Variants in CHRM3 observed in about 807,000 individuals in gnomAD.
CHRM3 encodes the protein cholinergic receptor muscarinic 3, also known as muscarinic acetylcholine receptor M3.
In CHRM3, 11 loss-of-function variants were observed where a neutral mutation model predicts 41.8. The observed-to-expected ratio is 0.26, with a 90% CI of 0.17 to 0.44. The LOEUF (loss-of-function observed/expected upper bound fraction) is 0.44. Among genes scored for constraint, CHRM3 ranks in the 20% least tolerant of loss-of-function variants. CHRM3 has a pLI of 1.00. For missense variants in CHRM3, 571 were observed against 745.4 expected, an observed-to-expected ratio of 0.77 and a Z score of 2.72; for synonymous variants, 297 against 301.4, an observed-to-expected ratio of 0.99 and a Z score of 0.15.
chr1:239,836,853 TA>T (rs2149131520), intron 6 of CHRM3, among the ~76,000 whole-genome samples: 1 of 152,078 alleles, frequency 6.6e-6, no homozygotes, highest in African/African-American at 2.4e-5. Context: ...CACATGCCTG[TA>T]ATCCCAGCTA....
intron 5 of CHRM3, among the ~76,000 whole-genome samples, chr1:239,729,346 A>G (rs1400578840): frequency 6.6e-6 from 1 of 151,950 alleles, no homozygotes; most frequent in Non-Finnish European, 1.5e-5. Context: ...GGGAAAAAAA[A>G]TCCCAGTGGC....
chr1:239,667,199 A>G (rs1673894945), intron 4 of CHRM3, among the ~76,000 whole-genome samples: 1 of 152,180 alleles, frequency 6.6e-6, no homozygotes, highest in African/African-American at 2.4e-5. Flanking sequence ...CAGCATCTCT[A>G]CAACACAGAT....
chr1:239,869,494 G>A (rs565877789), intron 6 of CHRM3, among the ~76,000 whole-genome samples: 95 of 152,202 alleles, frequency 6.2e-4, no homozygotes, highest in African/African-American at 2.2e-3. Context: ...CTTCCCTGGT[G>A]GAGGTAAGCC....
chr1:239,892,363 TGA>T (rs1180833803), intron 6 of CHRM3, among the ~76,000 whole-genome samples: 1 of 152,246 alleles, frequency 6.6e-6, no homozygotes, highest in Non-Finnish European at 1.5e-5. Flanking sequence ...GTACTTTCAT[TGA>T]AATAATCATC....
At chr1:239,648,481 G>T (rs907617004) in intron 4 of CHRM3, among the ~76,000 whole-genome samples, 2 of 152,204 alleles carry the variant, frequency 1.3e-5, no homozygotes, top group African/African-American at 4.8e-5. Flanking sequence ...CAACACAAGA[G>T]AATAAGCAGT....
At chr1:239,575,104 T>C (rs2148556523) in intron 3 of CHRM3, among the ~76,000 whole-genome samples, 1 of 152,326 alleles carries the variant, frequency 6.6e-6, no homozygotes, top group Non-Finnish European at 1.5e-5. Flanking sequence ...ATACATCCTA[T>C]GATAAGGATT....
rs141822991 is a variant in CHRM3 at position 239,470,015 on chromosome 1, G to A, written c.-520-22694G>A. On this transcript the variant is annotated intron_variant, in intron 1 of 6. Coordinates refer to ENST00000676153, the MANE Select transcript of CHRM3 (RefSeq NM_001375978.1). Reference sequence around the variant, plus strand: ...ACATCCTACCCACTGAGCCTTGTCTGTGCCATTCGCCCTGTAGTGAATGTG... The same window carrying A: ...ACATCCTACCCACTGAGCCTTGTCTATGCCATTCGCCCTGTAGTGAATGTG... 2.1e-3 allele frequency among the ~76,000 whole-genome samples: 320 copies of A among 152,268 alleles called. 4 individuals are homozygous for A. The highest frequency in any genetic ancestry group is 7.4e-3 in the African/African-American group (306 of 41,542).
intron 3 of CHRM3, among the ~76,000 whole-genome samples, chr1:239,574,972 A>T (rs1293421522): frequency 6.6e-6 from 1 of 152,188 alleles, no homozygotes; most frequent in Non-Finnish European, 1.5e-5. Flanking sequence ...TTTGGCTCTA[A>T]TGTTGCCAAC....
intron 5 of CHRM3, among the ~76,000 whole-genome samples, chr1:239,803,465 A>G (rs146966532): frequency 0.011 from 1,683 of 152,310 alleles, 106 homozygotes; most frequent in Admixed American, 0.095. Flanking sequence ...GGCTTACAAA[A>G]TTGTTTTTTA....
chr1:239,391,327 T>C (rs1659017776), intron 1 of CHRM3, among the ~76,000 whole-genome samples: 3 of 152,150 alleles, frequency 2.0e-5, no homozygotes, highest in Admixed American at 2.0e-4. Context: ...TGGATGTGCT[T>C]TTTGAACAAA....
At chr1:239,425,168 T>C (rs1195439259) in intron 1 of CHRM3, among the ~76,000 whole-genome samples, 1 of 152,216 alleles carries the variant, frequency 6.6e-6, no homozygotes, top group Non-Finnish European at 1.5e-5. Flanking sequence ...TAACATTGAA[T>C]AGGAAATATT....
In CHRM3 at chr1:239,912,358, T is replaced by A. The variant is rs1680412239; in HGVS notation, c.*3134T>A. 6.0e-6 allele frequency: 1 copy of A among 167,212 alleles called. No individual in the cohort carries two copies. Among genetic ancestry groups the A allele is most frequent in the Non-Finnish European group, 1.5e-5 (1 of 68,224 alleles). 10.4% of individuals were successfully genotyped at this position (167,212 alleles called of 1,614,324 possible). A position where few individuals can be genotyped will look rare whatever the true frequency, so the allele number is the denominator to read the frequency against. On this transcript the variant is annotated 3_prime_UTR_variant, in exon 7 of 7. Coordinates refer to ENST00000676153, the MANE Select transcript of CHRM3 (RefSeq NM_001375978.1). ...ATTCTCCTAGTCACCCTTTGCCTCT[T>A]AAGCCCAGCCTTGACTCTCTACATA...
At chr1:239,551,351 G>T (rs1013267615) in intron 3 of CHRM3, among the ~76,000 whole-genome samples, 3 of 151,060 alleles carry the variant, frequency 2.0e-5, no homozygotes, top group African/African-American at 4.9e-5. Flanking sequence ...TGGTAGAGAC[G>T]GGGTTTCTCC....
chr1:239,544,905 G>T (rs1049625490), intron 2 of CHRM3, among the ~76,000 whole-genome samples: 1 of 152,196 alleles, frequency 6.6e-6, no homozygotes, highest in Non-Finnish European at 1.5e-5. Flanking sequence ...CATGGTCCAC[G>T]TGATATGGTA....
At chr1:239,465,683 G>A (rs1198234552) in intron 1 of CHRM3, among the ~76,000 whole-genome samples, 1 of 152,148 alleles carries the variant, frequency 6.6e-6, no homozygotes, top group East Asian at 1.9e-4. Flanking sequence ...CATGATTTAG[G>A]TTCAGGTAAT....
At chr1:239,836,320 A>G (rs1305525862) in intron 6 of CHRM3, among the ~76,000 whole-genome samples, 1 of 152,222 alleles carries the variant, frequency 6.6e-6, no homozygotes, top group Non-Finnish European at 1.5e-5. Context: ...TCTGTTACAT[A>G]ATCAAGCATC....
intron 6 of CHRM3, among the ~76,000 whole-genome samples, chr1:239,844,332 T>C (rs1480933048): frequency 6.6e-6 from 1 of 152,202 alleles, no homozygotes; most frequent in East Asian, 1.9e-4. Context: ...TTGATATTTT[T>C]GGTGAACTCA....
At chr1:239,404,384 GAAAGAAAGAAAGAAAGAAAGAAAGAA>G (rs1660297962) in intron 1 of CHRM3, among the ~76,000 whole-genome samples, 3 of 69,942 alleles carry the variant, frequency 4.3e-5, no homozygotes, top group African/African-American at 6.0e-5. Context: ...AAGAAAGAAA[GAAAGAAAGAAAGAAAGAAAGAAAGAA>G]AAAGAAAGAA....
At position 239,907,608 on chromosome 1, in the gene CHRM3, G is replaced by T; in HGVS notation, c.157G>T (p.Asp53Tyr). 6.2e-7 allele frequency: 1 copy of T among 1,614,130 alleles called. No homozygotes were observed. Among genetic ancestry groups the T allele is most frequent in the South Asian group, 1.1e-5 (1 of 91,080 alleles). Residue 53 changes from aspartate to tyrosine, a missense_variant, in exon 7 of 7, where the codon GAC becomes TAC. Around this residue, in one of 5 missense-constraint regions of CHRM3, gnomAD observed 92 missense variants for 76.1 expected, o/e 1.21. Transcript: ENST00000676153. The surrounding 1 kb of genome is among the most constrained non-coding windows in gnomAD (Gnocchi z 5.4). ...AGCAGCTGGCAATTTCTCCTCTCCA[G>T]ACGGTACCACCGATGACCCTCTGGG... ...SRAAGNFSSP[D>Y]GTTDDPLGGH...
Sources: gnomAD v4.1 joint callset for allele counts (sites outside exome capture counted in the v4.1 genomes callset) on GRCh38, gnomAD v4.1.1 for gene constraint, gnomAD v4.1.1 regional missense constraint, Gnocchi (gnomAD v3.1) non-coding constraint, MANE v1.5 for transcripts, NCBI Gene and HGNC (gene_info 2026-07-23, HGNC 2026-07-21) for gene names.